Variants in SLC22A15 observed in about 807,000 individuals in gnomAD.
The protein encoded by SLC22A15 is solute carrier family 22 member 15.
In SLC22A15, 45 loss-of-function variants were observed where a neutral mutation model predicts 62.7. The observed-to-expected ratio is 0.72, with a 90% CI of 0.56 to 0.92. The LOEUF is 0.92. SLC22A15 is among the 40% of genes least tolerant of loss of function. The probability of loss-of-function intolerance (pLI) is 0.00; values close to 1 mark genes in which losing one functional copy is unlikely to be tolerated. For missense variants in SLC22A15, 622 were observed against 665.6 expected, an observed-to-expected ratio of 0.93 and a Z score of 0.72; for synonymous variants, 264 against 267.0, an observed-to-expected ratio of 0.99 and a Z score of 0.11.
chr1:115,982,483 T>G (rs1244907002), intron 1 of SLC22A15, among the ~76,000 whole-genome samples: 3 of 152,224 alleles, frequency 2.0e-5, no homozygotes, highest in Non-Finnish European at 4.4e-5. Context: ...TTGCTATGCA[T>G]GTAAAGGAAC....
chr1:116,061,296 G>T lies in SLC22A15; in HGVS notation c.1172-1466G>T, dbSNP rs114730265. ...GGATTGGAAAGTAGGGGCAGTGGAG[G>T]TTGAAGGAAAGAGAGCATATTTCAT... On this transcript the variant is annotated intron_variant, in intron 8 of 11. Transcript: ENST00000369503. Among the ~76,000 whole-genome samples, 808 of 152,292 alleles carry T rather than the reference G, an allele frequency of 5.3e-3. 2 individuals carry two copies. The highest frequency in any genetic ancestry group is 0.01 in the Middle Eastern group (3 of 294).
intron 2 of SLC22A15, among the ~76,000 whole-genome samples, chr1:116,004,803 C>A (rs565698685): frequency 6.6e-6 from 1 of 152,140 alleles, no homozygotes; most frequent in Non-Finnish European, 1.5e-5. Context: ...TTATCTGTAC[C>A]TGTAGATTTC....
chr1:116,043,724 T>C (rs1167957570), intron 8 of SLC22A15, among the ~76,000 whole-genome samples: 1 of 151,496 alleles, frequency 6.6e-6, no homozygotes, highest in African/African-American at 2.4e-5. Flanking sequence ...ACCAAGATAA[T>C]AAAGAGAAAA....
chr1:116,053,939 G>A (rs1382481970), intron 8 of SLC22A15, among the ~76,000 whole-genome samples: 17 of 151,630 alleles, frequency 1.1e-4, no homozygotes, highest in South Asian at 2.1e-4. Context: ...GGTACCAGCC[G>A]CTGCAAAATC....
intron 8 of SLC22A15, among the ~76,000 whole-genome samples, chr1:116,041,856 C>T (rs1657796380): frequency 6.6e-6 from 1 of 152,150 alleles, no homozygotes; most frequent in East Asian, 1.9e-4. Flanking sequence ...TTGTTGAATC[C>T]ATGAATGGTT....
intron 3 of SLC22A15, among the ~76,000 whole-genome samples, chr1:116,020,336 A>G (rs1210916072): frequency 4.0e-5 from 6 of 151,384 alleles, no homozygotes; most frequent in Non-Finnish European, 8.8e-5. Flanking sequence ...GTGGATCACG[A>G]GGTCAGGAGA....
chr1:116,037,881 T>G (rs558166539), intron 8 of SLC22A15, among the ~76,000 whole-genome samples: 11 of 152,270 alleles, frequency 7.2e-5, no homozygotes, highest in Admixed American at 2.6e-4. Context: ...ATGGATAGTC[T>G]CTTAGTCTTA....
At chr1:116,003,165 T>C (rs1655819361) in intron 2 of SLC22A15, among the ~76,000 whole-genome samples, 1 of 151,944 alleles carries the variant, frequency 6.6e-6, no homozygotes, top group South Asian at 2.1e-4. Flanking sequence ...TGGCCTAGAA[T>C]GGGTGCATTA....
chr1:116,054,217 A>C (rs1477396946), intron 8 of SLC22A15, among the ~76,000 whole-genome samples: 1 of 152,122 alleles, frequency 6.6e-6, no homozygotes, highest in Non-Finnish European at 1.5e-5. Context: ...AAGATCTACC[A>C]AGCAAATGGA....
At chr1:116,014,393 C>T (rs1249330643) in intron 2 of SLC22A15, among the ~76,000 whole-genome samples, 1 of 152,172 alleles carries the variant, frequency 6.6e-6, no homozygotes, top group African/African-American at 2.4e-5. Flanking sequence ...TGCTGTGCCC[C>T]TCAAATCCTT....
rs1056712477 is a variant in SLC22A15, at chr1:116,069,801, A to G, written c.*2693A>G. 6.6e-6 allele frequency: 1 copy of G among 152,214 alleles called. No homozygotes were observed. The highest frequency in any genetic ancestry group is 2.4e-5 in the African/African-American group (1 of 41,466). The allele number at this position is 152,214 out of a possible 1,614,324, so 9.4% of individuals were successfully genotyped here. ...CTGTTTAGGTAACCATAAATCAGAC[A>G]GATATTTTTATGGTGGGCAAATTGA... On this transcript the variant is annotated 3_prime_UTR_variant, in exon 12 of 12. Coordinates refer to ENST00000369503, the MANE Select transcript of SLC22A15 (RefSeq NM_018420.3).
Position 116,067,269 on chromosome 1 carries a change from G to A in SLC22A15, c.*161G>A, listed in dbSNP as rs1658521456. 1 of 593,740 alleles carries A rather than the reference G, an allele frequency of 1.7e-6. No individual in the cohort carries two copies. Among genetic ancestry groups the A allele is most frequent in the Non-Finnish European group, 3.0e-6 (1 of 334,956 alleles). The allele number at this position is 593,740 out of a possible 1,614,324, so 36.8% of individuals were successfully genotyped here. A position where few individuals can be genotyped will look rare whatever the true frequency, so the allele number is the denominator to read the frequency against. The stretch of plus-strand genomic sequence containing the variant: ...ACTGATGTTTTTAGGCACAGAAGTT[G>A]GAGAAGAGATTTCATGAAAGACAAC... On this transcript the variant is annotated 3_prime_UTR_variant, in exon 12 of 12. Coordinates refer to ENST00000369503, the MANE Select transcript of SLC22A15 (RefSeq NM_018420.3).
At chr1:116,028,037 T>A (rs1311125482) in intron 5 of SLC22A15, among the ~76,000 whole-genome samples, 1 of 152,246 alleles carries the variant, frequency 6.6e-6, no homozygotes, top group Non-Finnish European at 1.5e-5. Flanking sequence ...TTTCCTGCCT[T>A]CATCTATGCC....
At chr1:115,991,840 T>G (rs1238359662) in intron 1 of SLC22A15, among the ~76,000 whole-genome samples, 191 bp from the exon 2 acceptor site, 1 of 152,244 alleles carries the variant, frequency 6.6e-6, no homozygotes, top group Admixed American at 6.5e-5. Context: ...TTGCCAATGA[T>G]TCTGTTCGTG....
In SLC22A15 at chr1:116,066,536, C is replaced by T. The variant is rs1040362343; in HGVS notation, c.1382C>T (p.Ser461Phe). Reference sequence around the variant, plus strand: ...CCTCTGCAGAAATATGTGCAATGGTCTTTACCATTCATTGTCTTCGGAGCC... The same window carrying T: ...CCTCTGCAGAAATATGTGCAATGGTTTTTACCATTCATTGTCTTCGGAGCC... ...FIPSLKYVQW[S>F]LPFIVFGATG... Residue 461 changes from serine (S) to phenylalanine (F), a missense_variant, in exon 11 of 12, where the codon TCT becomes TTT. Transcript: ENST00000369503. 2.5e-6 allele frequency: 4 copies of T among 1,603,600 alleles called. No homozygotes were observed. The highest frequency in any genetic ancestry group is 4.5e-5 in the East Asian group (2 of 44,534).
At chr1:115,988,349 G>T (rs762493400) in intron 1 of SLC22A15, among the ~76,000 whole-genome samples, 85 of 151,962 alleles carry the variant, frequency 5.6e-4, no homozygotes, top group Non-Finnish European at 1.0e-3. Context: ...TTTGTTTTTT[G>T]GGGGGGAAAG....
rs563899979 is a variant in SLC22A15, at chr1:116,028,429, G to A, written c.728+1407G>A. Among the ~76,000 whole-genome samples, 135 of 150,022 alleles carry A rather than the reference G, an allele frequency of 9.0e-4. 2 individuals carry two copies. In the South Asian group the frequency reaches 0.015, roughly 17 times the overall value. On this transcript the variant is annotated intron_variant, in intron 5 of 11. Transcript: ENST00000369503. ...AATAAATTTTCTTTTAAAATGTTTC[G>A]TAAATTTCCTACTTCTCCATCTTAT...
intron 2 of SLC22A15, among the ~76,000 whole-genome samples, chr1:116,009,757 C>A (rs1656158320): frequency 6.6e-6 from 1 of 152,096 alleles, no homozygotes; most frequent in Non-Finnish European, 1.5e-5. Context: ...TGGTGAATAT[C>A]CTTAATATAT....
At chr1:116,004,387 A>G (rs1471166538) in intron 2 of SLC22A15, among the ~76,000 whole-genome samples, 1 of 152,094 alleles carries the variant, frequency 6.6e-6, no homozygotes, top group Non-Finnish European at 1.5e-5. Flanking sequence ...CCCCATTCCA[A>G]TATTTTTGAG....
Sources: allele counts gnomAD v4.1 joint callset (sites outside exome capture counted in the v4.1 genomes callset), GRCh38; gene constraint gnomAD v4.1.1; transcripts MANE v1.5; gene names NCBI Gene and HGNC (gene_info 2026-07-23, HGNC 2026-07-21).